Variants in PRKD2 observed in about 807,000 individuals in gnomAD.
The protein encoded by PRKD2 is protein kinase D2.
PRKD2 carries 22 observed loss-of-function variants against 86.0 expected under a neutral mutation model. The observed-to-expected ratio is 0.26, with a 90% CI of 0.18 to 0.37. The LOEUF (loss-of-function observed/expected upper bound fraction) is 0.37. PRKD2 is among the 10% of genes least tolerant of loss of function. The pLI is 1.00. For missense variants in PRKD2, 818 were observed against 1,199.2 expected, an observed-to-expected ratio of 0.68 and a Z score of 4.70; for synonymous variants, 509 against 510.9, an observed-to-expected ratio of 1.00 and a Z score of 0.05.
intron 2 of PRKD2, among the ~76,000 whole-genome samples, chr19:46,712,844 A>T (rs1451896258): frequency 6.6e-6 from 1 of 152,192 alleles, no homozygotes; most frequent in Non-Finnish European, 1.5e-5. Flanking sequence ...ATGCCCATCT[A>T]TACTACTGGA....
chr19:46,689,683 C>T lies in PRKD2; in HGVS notation c.1825G>A (p.Gly609Arg), dbSNP rs2053455282. ...VAILQSLRHPGIVNLECMFET... is the reference protein window; with the variant it reads ...VAILQSLRHPRIVNLECMFET... ...AACATGCACTCCAGGTTCACGATCC[C>T]GGGATGCCGCAGGCTCTGCAGGGTG... The change falls in exon 14 of 18, where the codon GGG becomes AGG. Residue 609 changes from glycine to arginine, a missense_variant. Gly to Arg is a moderately radical substitution (Grantham distance 125, BLOSUM62 -2). Around this residue, in one of 5 missense-constraint regions of PRKD2, gnomAD observed 154 missense variants for 359.6 expected, o/e 0.43. Transcript: ENST00000291281. The T allele has an allele frequency of 6.2e-7, 1 of 1,614,076 alleles. No individual in the cohort carries two copies. Among genetic ancestry groups the T allele is most frequent in the Non-Finnish European group, 8.5e-7 (1 of 1,179,962 alleles).
At chr19:46,700,986 C>A in intron 6 of PRKD2, 34 bp from the exon 7 acceptor site, 3 of 1,614,218 alleles carry the variant, frequency 1.9e-6, no homozygotes, top group Non-Finnish European at 2.5e-6. Flanking sequence ...GGGTCTCCAC[C>A]CAGTCCTGCC....
rs747734223 is a variant in PRKD2 at position 46,674,657 on chromosome 19, C to T, written c.2503G>A (p.Ala835Thr). 2.7e-5 allele frequency: 43 copies of T among 1,606,840 alleles called. No individual in the cohort carries two copies. The East Asian group carries it at 3.8e-4, about 14-fold the overall frequency. The change falls in exon 18 of 18, where the codon GCG becomes ACG. Residue 835 changes from alanine to threonine, a missense_variant. This residue lies in a region of PRKD2 where 132 missense variants were observed against 146.2 expected (regional missense o/e 0.90). Transcript: ENST00000291281. Reference protein sequence around the residue: ...ERYITHESDDARWEQFAAEHP... With the variant: ...ERYITHESDDTRWEQFAAEHP... ...TCTGCTGCAAACTGCTCCCAGCGCG[C>T]GTCGTCACTCTCATGCGTGATGTAT...
At chr19:46,702,514 G>A (rs1286398881) in intron 5 of PRKD2, among the ~76,000 whole-genome samples, 2 of 152,020 alleles carry the variant, frequency 1.3e-5, no homozygotes, top group African/African-American at 2.4e-5. Flanking sequence ...TCTACCTCCA[G>A]AATCTGCAGA....
intron 5 of PRKD2, among the ~76,000 whole-genome samples, chr19:46,703,717 A>G (rs1236238599): frequency 3.3e-5 from 5 of 151,170 alleles, no homozygotes; most frequent in Admixed American, 2.0e-4. Context: ...GTTTGCAGTG[A>G]GCCGAGATCA....
In PRKD2 at chr19:46,714,479, G is replaced by GGGA. The variant is rs1055331758; in HGVS notation, c.241-479_241-478insTCC. ...ACTTTTCGGGGCTCCTGGGAAAGTG[G>GGGA]GGGGGGGGGCCGGGGGACTTGGACT... On this transcript the variant is annotated intron_variant, in intron 1 of 17. Transcript: ENST00000291281. 8.6e-5 allele frequency: 13 copies of GGGA among 151,550 alleles called. 1 individual carries two copies. Among genetic ancestry groups the GGGA allele is most frequent in the African/African-American group, 3.3e-4 (13 of 39,852 alleles). The allele number at this position is 151,550 out of a possible 1,614,324, so 9.4% of individuals were successfully genotyped here.
intron 14 of PRKD2, among the ~76,000 whole-genome samples, chr19:46,686,670 G>A (rs1022212804): frequency 1.4e-5 from 2 of 148,004 alleles, no homozygotes; most frequent in Non-Finnish European, 3.0e-5. Context: ...AAATAAAATA[G>A]GCCAGGCGCG....
chr19:46,701,217 C>A, intron 5 of PRKD2, 105 bp from the exon 6 acceptor site: 2 of 1,236,784 alleles, frequency 1.6e-6, no homozygotes, highest in South Asian at 1.2e-5. Flanking sequence ...TCTACTCTTG[C>A]TGTCTGGGTA....
Position 46,681,743 on chromosome 19 carries a change from C to T in PRKD2, c.1977G>A (p.Leu659=). ...RLTKFLITQI[L]VALRHLHFKN... is the part of the protein sequence containing the mutation. ...TGAAGTGAAGGTGTCTCAAAGCCACCAGGATCTGAGGGGAGCAGATGGGCC... is the reference window on the plus strand; with the variant it reads ...TGAAGTGAAGGTGTCTCAAAGCCACTAGGATCTGAGGGGAGCAGATGGGCC... The change falls in exon 15 of 18, where the codon CTG becomes CTA. Residue 659 remains leucine, a synonymous_variant. Coordinates refer to ENST00000291281, the MANE Select transcript of PRKD2 (RefSeq NM_016457.5). 6.2e-7 allele frequency: 1 copy of T among 1,610,602 alleles called. No homozygotes were observed. Among genetic ancestry groups the T allele is most frequent in the Non-Finnish European group, 8.5e-7 (1 of 1,177,102 alleles).
intron 9 of PRKD2, 127 bp downstream of exon 9, chr19:46,697,030 G>A (rs956901479): frequency 7.5e-6 from 6 of 801,230 alleles, no homozygotes; most frequent in East Asian, 5.0e-5. Context: ...TGGAAGCAGG[G>A]AGGCTGGGGG....
At chr19:46,707,227 G>A (rs754357529) in intron 3 of PRKD2, among the ~76,000 whole-genome samples, 57 of 152,246 alleles carry the variant, frequency 3.7e-4, no homozygotes, top group Non-Finnish European at 6.6e-4. Context: ...TGGCACCCAC[G>A]GAGCTAGAGA....
At chr19:46,695,420 T>C (rs1599826781) in intron 9 of PRKD2, among the ~76,000 whole-genome samples, 1 of 152,092 alleles carries the variant, frequency 6.6e-6, no homozygotes, top group African/African-American at 2.4e-5. Flanking sequence ...GAGGCGGAGG[T>C]TGCAGTGAGC....
At chr19:46,690,814 G>T in intron 12 of PRKD2, 108 bp from the exon 13 acceptor site, 1 of 945,676 alleles carries the variant, frequency 1.1e-6, no homozygotes, top group Non-Finnish European at 1.6e-6. Flanking sequence ...GAGACAGCCA[G>T]AGTTGGGCAG....
intron 14 of PRKD2, among the ~76,000 whole-genome samples, chr19:46,688,442 AT>A (rs923962731): frequency 4.5e-4 from 63 of 139,346 alleles, no homozygotes; most frequent in African/African-American, 1.5e-3. Flanking sequence ...TATTATTATT[AT>A]TTTTTTTTTT....
chr19:46,697,246 T>G lies in PRKD2; in HGVS notation c.1240-12A>C. 6.4e-7 allele frequency: 1 copy of G among 1,569,470 alleles called. No individual in the cohort carries two copies. The highest frequency in any genetic ancestry group is 8.8e-7 in the Non-Finnish European group (1 of 1,141,022). On this transcript the variant is annotated splice_polypyrimidine_tract_variant and intron_variant, in intron 8 of 17. Transcript: ENST00000291281. ...TAGTGCCGCTTTCTCTGCAGAGATG[T>G]TTGAAGAGTCACGTGAACCGCCAGA... is the stretch of plus-strand genomic sequence containing the variant.
At chr19:46,704,054 C>T in intron 5 of PRKD2, 115 bp downstream of exon 5, 1 of 1,461,064 alleles carries the variant, frequency 6.8e-7, no homozygotes, top group Non-Finnish European at 9.2e-7. Context: ...CAGGGCCCTC[C>T]CCTTCTGAGG....
At position 46,693,771 on chromosome 19, in the gene PRKD2, A is replaced by T. The variant is rs187834952; in HGVS notation, c.1576+104T>A. On this transcript the variant is annotated intron_variant, in intron 10 of 17. Transcript: ENST00000291281. This position sits in a 1 kb window ranked among gnomAD's most constrained non-coding sequence, Gnocchi z 4.5. Reference sequence around the variant, plus strand: ...TGCTGAGTCCAGAAGCTGCGTTCTCAACCCCACCATTGCCCACTTTCCTCT... The same window carrying T: ...TGCTGAGTCCAGAAGCTGCGTTCTCTACCCCACCATTGCCCACTTTCCTCT... 16 of 1,463,828 alleles carry T rather than the reference A, an allele frequency of 1.1e-5. No individual in the cohort carries two copies. In the East Asian group the frequency reaches 3.0e-4, roughly 27 times the overall value. The allele number at this position is 1,463,828 out of a possible 1,614,324, so 90.7% of individuals were successfully genotyped here.
chr19:46,695,384 G>A (rs1224640978), intron 9 of PRKD2, among the ~76,000 whole-genome samples: 1 of 152,268 alleles, frequency 6.6e-6, no homozygotes, highest in Admixed American at 6.5e-5. Flanking sequence ...TTGGGAGGCT[G>A]AGGCAGAAGA....
At chr19:46,714,080 G>A (rs1286164080) in intron 1 of PRKD2, 79 bp from the exon 2 acceptor site, 1 of 1,520,314 alleles carries the variant, frequency 6.6e-7, no homozygotes, top group Non-Finnish European at 8.9e-7. Context: ...ACCCTCCCAG[G>A]GCAGGGCCGG....
Sources: gnomAD v4.1 joint callset for allele counts (sites outside exome capture counted in the v4.1 genomes callset) on GRCh38, gnomAD v4.1.1 for gene constraint, gnomAD v4.1.1 regional missense constraint, Gnocchi (gnomAD v3.1) non-coding constraint, MANE v1.5 for transcripts, NCBI Gene and HGNC (gene_info 2026-07-23, HGNC 2026-07-21) for gene names.